Variants in EXOC7 observed in about 807,000 individuals in gnomAD.
EXOC7 encodes exocyst complex component 7, also known as exocyst complex component Exo70.
Under a neutral mutation model 87.6 loss-of-function variants are expected in EXOC7, and 51 were observed. That is an observed-to-expected ratio of 0.58 (90% CI 0.46 to 0.73). The LOEUF (loss-of-function observed/expected upper bound fraction) is 0.73, where lower values mean the gene tolerates loss of function less well. EXOC7 is among the 30% of genes least tolerant of loss of function. The pLI, the probability that EXOC7 is intolerant of heterozygous loss-of-function variation, is 0.00. For synonymous variants in EXOC7, 327 were observed against 357.1 expected (o/e 0.92, Z 0.95); for missense variants, 744 against 888.4 (o/e 0.84, Z 2.07).
intron 7 of EXOC7, 107 bp from the exon 8 acceptor site, chr17:76,089,427 G>T: frequency 7.1e-7 from 1 of 1,405,510 alleles, no homozygotes; most frequent in Non-Finnish European, 9.7e-7. Context: ...CACTGGCAGA[G>T]GATGGGGAAG....
chr17:76,096,753 T>G (rs2067777256), intron 5 of EXOC7, among the ~76,000 whole-genome samples: 1 of 151,982 alleles, frequency 6.6e-6, no homozygotes, highest in Non-Finnish European at 1.5e-5. Flanking sequence ...ATGGGGTTTC[T>G]CTATGTTGGT....
intron 6 of EXOC7, 172 bp downstream of exon 6, chr17:76,094,242 G>T: frequency 1.6e-6 from 1 of 618,222 alleles, no homozygotes; most frequent in Non-Finnish European, 2.7e-6. Context: ...GCTCTTGGGG[G>T]GCTTCACTGG....
chr17:76,085,737 G>T lies in EXOC7; in HGVS notation c.1556C>A (p.Pro519Gln), dbSNP rs1221180644. ...LLSKSKVYED[P>Q]ALSAIFLHNN... Reference sequence around the variant, plus strand: ...GTGCAGGAAGATGGCGCTCAGAGCTGGGTCCTCGTACACCTTGGACTTGCT... The same window carrying T: ...GTGCAGGAAGATGGCGCTCAGAGCTTGGTCCTCGTACACCTTGGACTTGCT... Residue 519 changes from proline to glutamine, a missense_variant, in exon 14 of 19, where the codon CCA becomes CAA. Pro to Gln is a moderately conservative substitution (Grantham distance 76). Transcript: ENST00000589210. 1.2e-6 allele frequency: 2 copies of T among 1,613,964 alleles called. No homozygotes were observed. Among genetic ancestry groups the T allele is most frequent in the African/African-American group, 2.7e-5 (2 of 74,932 alleles).
chr17:76,087,980 A>T, intron 11 of EXOC7, 80 bp downstream of exon 11: 1 of 1,515,080 alleles, frequency 6.6e-7, no homozygotes, highest in Non-Finnish European at 9.1e-7. Context: ...AGTCCCTTCC[A>T]CCAGTACTCT....
In EXOC7 at chr17:76,081,625, C is replaced by G. The variant is rs569770443; in HGVS notation, c.*2023G>C. The G allele has an allele frequency of 3.1e-6, 5 of 1,613,966 alleles. No homozygotes were observed. In the South Asian group the frequency reaches 5.5e-5, roughly 18 times the overall value. On this transcript the variant is annotated 3_prime_UTR_variant, in exon 19 of 19. Coordinates refer to ENST00000589210, the MANE Select transcript of EXOC7 (RefSeq NM_001013839.4). ...AGGCACTGCTGTTGGCTGACGTGTG[C>G]GGGGGGTTGCTGCCCCTCCGGGCCA...
In EXOC7 at chr17:76,083,757, A is replaced by C; in HGVS notation, c.1953-7T>G. On this transcript the variant is annotated splice_region_variant and splice_polypyrimidine_tract_variant and intron_variant, in intron 18 of 18. Transcript: ENST00000589210. ...GAAGGGCACGCTGCCAAACCTGAGG[A>C]GGCACTGTGGTCAGGGGACAGGGAG... is the stretch of plus-strand genomic sequence containing the variant. 6.2e-7 allele frequency: 1 copy of C among 1,611,936 alleles called. No homozygotes were observed. Among genetic ancestry groups the C allele is most frequent in the Non-Finnish European group, 8.5e-7 (1 of 1,179,496 alleles).
rs1416503712 is a variant in EXOC7 at position 76,081,977 on chromosome 17, A to C, written c.*1671T>G. On this transcript the variant is annotated 3_prime_UTR_variant, in exon 19 of 19. Coordinates refer to ENST00000589210, the MANE Select transcript of EXOC7 (RefSeq NM_001013839.4). Reference sequence around the variant, plus strand: ...GCTGGCCCGGGGCAACCTTGGGGCCAAGAGCGGCCCCAGCCCAGCCCCGAG... The same window carrying C: ...GCTGGCCCGGGGCAACCTTGGGGCCCAGAGCGGCCCCAGCCCAGCCCCGAG... The C allele has an allele frequency of 6.2e-7, 1 of 1,612,460 alleles. No individual in the cohort carries two copies. Among genetic ancestry groups the C allele is most frequent in the East Asian group, 2.2e-5 (1 of 44,872 alleles).
Position 76,085,696 on chromosome 17 carries a change from T to C in EXOC7, c.1597A>G (p.Ile533Val), listed in dbSNP as rs760772297. 3.1e-6 allele frequency: 5 copies of C among 1,613,918 alleles called. No individual in the cohort carries two copies. Among genetic ancestry groups the C allele is most frequent in the Non-Finnish European group, 3.4e-6 (4 of 1,180,012 alleles). ...AIFLHNNYNY[I>V]LKSLEKSELI... ...ACTTACTTCTCCAGGGACTTGAGGATGTAATTGTAGTTGTTGTGCAGGAAG... is the reference window on the plus strand; with the variant it reads ...ACTTACTTCTCCAGGGACTTGAGGACGTAATTGTAGTTGTTGTGCAGGAAG... Residue 533 changes from isoleucine to valine, a missense_variant, in exon 14 of 19, where the codon ATC becomes GTC. Coordinates refer to ENST00000589210, the MANE Select transcript of EXOC7 (RefSeq NM_001013839.4).
intron 6 of EXOC7, chr17:76,093,849 A>C (rs561345480): frequency 6.5e-6 from 1 of 152,982 alleles, no homozygotes; most frequent in South Asian, 2.1e-4. Flanking sequence ...CCGGCCTCTC[A>C]TCATGGTGCC....
At chr17:76,087,852 T>C in intron 11 of EXOC7, 132 bp from the exon 12 acceptor site, 1 of 1,041,118 alleles carries the variant, frequency 9.6e-7, no homozygotes, top group Non-Finnish European at 1.4e-6. Flanking sequence ...GCTGGAAACT[T>C]CATTTTCACT....
chr17:76,094,047 C>T (rs923932872), intron 6 of EXOC7: 2 of 178,764 alleles, frequency 1.1e-5, no homozygotes, highest in African/African-American at 4.7e-5. Context: ...GCACCTATCC[C>T]CTTGCTATCC....
At chr17:76,091,479 A>G in intron 6 of EXOC7, 2 of 522,368 alleles carry the variant, frequency 3.8e-6, no homozygotes. Context: ...TCATTTCTGA[A>G]AGGACAGAGG....
chr17:76,097,703 CAAAAAAAAAAA>C (rs57781252), intron 5 of EXOC7, 82 bp downstream of exon 5: 29 of 318,278 alleles, frequency 9.1e-5, no homozygotes, highest in Middle Eastern at 9.8e-4. Flanking sequence ...GACTCCATCT[CAAAAAAAAAAA>C]AAAAAAAAAA....
chr17:76,085,533 C>T, intron 14 of EXOC7, 124 bp from the exon 15 acceptor site: 1 of 1,517,992 alleles, frequency 6.6e-7, no homozygotes, highest in East Asian at 2.3e-5. Context: ...GGCATCCCAC[C>T]TTCCGGGTCC....
At chr17:76,097,174 T>A (rs2067801323) in intron 5 of EXOC7, among the ~76,000 whole-genome samples, 1 of 152,222 alleles carries the variant, frequency 6.6e-6, no homozygotes, top group Non-Finnish European at 1.5e-5. Flanking sequence ...TGCTCATCTT[T>A]GGCTTATGTA....
Position 76,089,077 on chromosome 17 carries a change from C to T in EXOC7, c.1047+98G>A, listed in dbSNP as rs2067351344. Reference sequence around the variant, plus strand: ...GTCCACCCAGGACCGGTCCCCAGGGCACGAGGTGGTGGTGGTGGGTGGAGT... The same window carrying T: ...GTCCACCCAGGACCGGTCCCCAGGGTACGAGGTGGTGGTGGTGGGTGGAGT... On this transcript the variant is annotated intron_variant, in intron 8 of 18. Transcript: ENST00000589210. 4 of 1,565,512 alleles carry T rather than the reference C, an allele frequency of 2.6e-6. No individual in the cohort carries two copies. In the Admixed American group the frequency reaches 6.7e-5, roughly 26 times the overall value.
In EXOC7 at chr17:76,081,156, A is replaced by G; in HGVS notation, c.*2492T>C. 1 of 1,419,812 alleles carries G rather than the reference A, an allele frequency of 7.0e-7. No homozygotes were observed. Among genetic ancestry groups the G allele is most frequent in the Non-Finnish European group, 9.6e-7 (1 of 1,039,106 alleles). The allele number at this position is 1,419,812 out of a possible 1,614,324, so 88.0% of individuals were successfully genotyped here. ...CTTCTATGGATCGGTTTTGTGTCCAAGTCTGTCCCTGCCAAAAGCCATCAA... is the reference window on the plus strand; with the variant it reads ...CTTCTATGGATCGGTTTTGTGTCCAGGTCTGTCCCTGCCAAAAGCCATCAA... On this transcript the variant is annotated 3_prime_UTR_variant, in exon 19 of 19. Transcript: ENST00000589210.
intron 11 of EXOC7, 83 bp from the exon 12 acceptor site, chr17:76,087,803 G>A (rs1483704728): frequency 7.0e-7 from 1 of 1,425,776 alleles, no homozygotes; most frequent in Non-Finnish European, 9.6e-7. Flanking sequence ...GAGTGCCCAG[G>A]GCCAGCCCAG....
intron 4 of EXOC7, among the ~76,000 whole-genome samples, chr17:76,099,918 CA>C (rs1177642472): frequency 6.6e-6 from 1 of 152,092 alleles, no homozygotes; most frequent in African/African-American, 2.4e-5. Context: ...GCCTGAACAA[CA>C]CAGGAGACCT....
Sources: gnomAD v4.1 joint callset for allele counts (sites outside exome capture counted in the v4.1 genomes callset) on GRCh38, gnomAD v4.1.1 for gene constraint, MANE v1.5 for transcripts, NCBI Gene and HGNC (gene_info 2026-07-23, HGNC 2026-07-21) for gene names.